The following AGFG1 variants were observed in gnomAD, a reference collection of about 807,000 sequenced individuals.
The protein encoded by AGFG1 is ArfGAP with FG repeats 1, also known as arf-GAP domain and FG repeat-containing protein 1.
AGFG1 carries 10 observed loss-of-function variants against 60.6 expected under a neutral mutation model. The observed-to-expected ratio is 0.16, with a 90% CI of 0.10 to 0.28. The LOEUF (loss-of-function observed/expected upper bound fraction) is 0.28, where lower values mean the gene tolerates loss of function less well. Ranked by LOEUF, AGFG1 falls within the 10% of genes least tolerant of loss-of-function variation. The pLI, the probability that AGFG1 is intolerant of heterozygous loss-of-function variation, is 1.00. For missense variants in AGFG1, 537 were observed against 676.5 expected, an observed-to-expected ratio of 0.79 and a Z score of 2.29; for synonymous variants, 247 against 242.9, an observed-to-expected ratio of 1.02 and a Z score of -0.16.
Position 227,524,815 on chromosome 2 carries a change from C to G in AGFG1, c.594C>G (p.Asp198Glu). 1 of 1,614,174 alleles carries G rather than the reference C, an allele frequency of 6.2e-7. No individual in the cohort carries two copies. The highest frequency in any genetic ancestry group is 8.5e-7 in the Non-Finnish European group (1 of 1,180,008). Reference sequence around the variant, plus strand: ...AGCAGCAGGAGAAGAAGCAATTTGACCTTTTAAGTGATCTCGGCTCAGACA... The same window carrying G: ...AGCAGCAGGAGAAGAAGCAATTTGAGCTTTTAAGTGATCTCGGCTCAGACA... Reference protein sequence around the residue: ...QGQQQEKKQFDLLSDLGSDIF... With the variant: ...QGQQQEKKQFELLSDLGSDIF... The change falls in exon 5 of 13, where the codon GAC becomes GAG. Residue 198 changes from aspartate (D) to glutamate (E), a missense_variant. Physicochemically the swap from Asp to Glu is conservative, Grantham distance 45. This residue lies in a region of AGFG1 where 102 missense variants were observed against 82.9 expected (regional missense o/e 1.23). Transcript: ENST00000310078.
intron 2 of AGFG1, among the ~76,000 whole-genome samples, chr2:227,500,664 T>C (rs1248493544): frequency 1.3e-5 from 2 of 152,210 alleles, no homozygotes; most frequent in African/African-American, 2.4e-5. Flanking sequence ...TATATTTGCC[T>C]CAGCAGATAT....
intron 2 of AGFG1, among the ~76,000 whole-genome samples, chr2:227,495,236 A>C (rs1055326159): frequency 3.3e-5 from 5 of 152,016 alleles, no homozygotes; most frequent in Non-Finnish European, 7.4e-5. Flanking sequence ...CTTTTGTATC[A>C]TACAGTTACT....
intron 5 of AGFG1, among the ~76,000 whole-genome samples, chr2:227,529,201 A>T (rs1692089200): frequency 6.6e-6 from 1 of 152,088 alleles, no homozygotes; most frequent in Non-Finnish European, 1.5e-5. Context: ...AGTAGTTTTT[A>T]GTTAAATACT....
chr2:227,524,159 AGTTAT>A (rs202229721), intron 4 of AGFG1, among the ~76,000 whole-genome samples: 1,626 of 152,126 alleles, frequency 0.011, 26 homozygotes, highest in African/African-American at 0.038. Flanking sequence ...TGTAAAGGTG[AGTTAT>A]ACAGGAATGT....
At chr2:227,482,145 G>A (rs908088151) in intron 1 of AGFG1, among the ~76,000 whole-genome samples, 7 of 152,096 alleles carry the variant, frequency 4.6e-5, no homozygotes, top group Non-Finnish European at 8.8e-5. Flanking sequence ...GATTACAGGC[G>A]TGAGCCACCG....
chr2:227,483,211 A>G (rs1333306142), intron 1 of AGFG1, among the ~76,000 whole-genome samples: 3 of 152,182 alleles, frequency 2.0e-5, no homozygotes, highest in African/African-American at 7.2e-5. Flanking sequence ...TTCACATCTT[A>G]AAAATACTTG....
chr2:227,475,084 A>T (rs1690239870), intron 1 of AGFG1, among the ~76,000 whole-genome samples: 1 of 152,206 alleles, frequency 6.6e-6, no homozygotes, highest in African/African-American at 2.4e-5. Context: ...TAAATAAGAA[A>T]TATCCTAATA....
In AGFG1 at chr2:227,536,689, C is replaced by T. The variant is rs1391628878; in HGVS notation, c.1270C>T (p.Pro424Ser). 6.2e-7 allele frequency: 1 copy of T among 1,613,612 alleles called. No individual in the cohort carries two copies. Among genetic ancestry groups the T allele is most frequent in the South Asian group, 1.1e-5 (1 of 91,054 alleles). ...AQTQPASSSV[P>S]APFGATPSTN... ...GACACAGCCTGCTTCATCAAGTGTG[C>T]CTGCTCCATTTGGAGGTATGTGCTT... The change falls in exon 9 of 13, where the codon CCT becomes TCT. Residue 424 changes from proline (P) to serine (S), a missense_variant. Pro to Ser is a moderately conservative substitution (Grantham distance 74, BLOSUM62 -1). Coordinates refer to ENST00000310078, the MANE Select transcript of AGFG1 (RefSeq NM_004504.5).
chr2:227,476,062 TG>T (rs1185276089), intron 1 of AGFG1, among the ~76,000 whole-genome samples: 1 of 152,222 alleles, frequency 6.6e-6, no homozygotes, highest in Non-Finnish European at 1.5e-5. Flanking sequence ...TAATCTTTCT[TG>T]TTTCTTTTTT....
At chr2:227,543,645 A>G (rs992752794) in intron 10 of AGFG1, among the ~76,000 whole-genome samples, 2 of 152,172 alleles carry the variant, frequency 1.3e-5, no homozygotes, top group Non-Finnish European at 2.9e-5. Context: ...ATTTGGGATG[A>G]AGAGTTCTGT....
At chr2:227,478,239 TAAAA>T (rs11383048) in intron 1 of AGFG1, among the ~76,000 whole-genome samples, 1 of 143,882 alleles carries the variant, frequency 7.0e-6, no homozygotes, top group Non-Finnish European at 1.5e-5. Context: ...AAGCAATCAG[TAAAA>T]AAAAAAAAAT....
chr2:227,519,989 T>G lies in AGFG1; in HGVS notation c.303T>G (p.Ser101=). ...GGCTAGGATTATTTGATGATAGATC[T>G]TCAGCAATTCCAGACTTCAGGGATC... ...QIWLGLFDDR[S]SAIPDFRDPQ... The change falls in exon 3 of 13, where the codon TCT becomes TCG. Residue 101 remains serine, a synonymous_variant. Coordinates refer to ENST00000310078, the MANE Select transcript of AGFG1 (RefSeq NM_004504.5). 6.3e-7 allele frequency: 1 copy of G among 1,586,968 alleles called. No individual in the cohort carries two copies. Among genetic ancestry groups the G allele is most frequent in the Non-Finnish European group, 8.5e-7 (1 of 1,171,892 alleles).
At chr2:227,476,597 TTA>T (rs1340018192) in intron 1 of AGFG1, among the ~76,000 whole-genome samples, 2 of 152,214 alleles carry the variant, frequency 1.3e-5, no homozygotes, top group Non-Finnish European at 2.9e-5. Flanking sequence ...GGATAGTAAC[TTA>T]TATTCTGTTG....
At chr2:227,491,442 T>A in intron 1 of AGFG1, 105 bp from the exon 2 acceptor site, 1 of 663,710 alleles carries the variant, frequency 1.5e-6, no homozygotes. Context: ...ATGAAAACAC[T>A]GTTTCAAGTT....
rs1693096248 is a variant in AGFG1, at chr2:227,560,272, A to G, written c.*5777A>G. ...TTCTACTAAAAATATTGTTATAATG[A>G]TAATATCCTTATGCATATATGAAGA... is the stretch of plus-strand genomic sequence containing the variant. On this transcript the variant is annotated 3_prime_UTR_variant, in exon 13 of 13. Coordinates refer to ENST00000310078, the MANE Select transcript of AGFG1 (RefSeq NM_004504.5). The G allele has an allele frequency of 6.6e-6, 1 of 152,142 alleles. No homozygotes were observed. Among genetic ancestry groups the G allele is most frequent in the African/African-American group, 2.4e-5 (1 of 41,452 alleles). 9.4% of individuals were successfully genotyped at this position (152,142 alleles called of 1,614,324 possible). A position where few individuals can be genotyped will look rare whatever the true frequency, so the allele number is the denominator to read the frequency against.
rs910532818 is a variant in AGFG1 at position 227,540,073 on chromosome 2, TG to T, written c.1378+3081del. 2.8e-4 allele frequency among the ~76,000 whole-genome samples: 42 copies of T among 152,252 alleles called. 1 individual carries two copies. The highest frequency in any genetic ancestry group is 9.9e-4 in the African/African-American group (41 of 41,558). On this transcript the variant is annotated intron_variant, in intron 10 of 12. Transcript: ENST00000310078. Reference sequence around the variant, plus strand: ...CTGGTCTTGAACTCCTGGCCTCAAATGATCTGCCTGCCTCGGCCTCCCAAAG... The same window carrying T: ...CTGGTCTTGAACTCCTGGCCTCAAATATCTGCCTGCCTCGGCCTCCCAAAG...
At chr2:227,524,540 G>A (rs996733450) in intron 4 of AGFG1, among the ~76,000 whole-genome samples, 4 of 152,138 alleles carry the variant, frequency 2.6e-5, no homozygotes, top group South Asian at 2.1e-4. Flanking sequence ...GTTCAGAGGC[G>A]TAGTACTGTG....
intron 2 of AGFG1, among the ~76,000 whole-genome samples, chr2:227,493,876 A>G (rs1385523575): frequency 6.6e-6 from 1 of 152,226 alleles, no homozygotes; most frequent in Admixed American, 6.5e-5. Flanking sequence ...TTTGGTGGAA[A>G]GGAGAGGATT....
chr2:227,484,887 G>A (rs750516016), intron 1 of AGFG1, among the ~76,000 whole-genome samples: 1 of 150,598 alleles, frequency 6.6e-6, no homozygotes, highest in Non-Finnish European at 1.5e-5. Flanking sequence ...TATTTTTGTT[G>A]TTAGTAGAGA....
Sources: allele counts gnomAD v4.1 joint callset (sites outside exome capture counted in the v4.1 genomes callset), GRCh38; gene constraint gnomAD v4.1.1; regional missense constraint gnomAD v4.1.1; transcripts MANE v1.5; gene names NCBI Gene and HGNC (gene_info 2026-07-23, HGNC 2026-07-21).